The following C12orf42 variants were observed in gnomAD, a reference collection of about 807,000 sequenced individuals.
C12orf42 encodes the protein chromosome 12 open reading frame 42, also known as uncharacterized protein C12orf42.
C12orf42 carries 25 observed loss-of-function variants against 21.6 expected under a neutral mutation model. The ratio of observed to expected loss-of-function variants is 1.16; its 90% CI spans 0.84 to 1.62. The LOEUF (loss-of-function observed/expected upper bound fraction) is 1.62, where lower values mean the gene tolerates loss of function less well. Ranked by LOEUF, C12orf42 falls within the 40% of genes most tolerant of loss-of-function variation. The pLI is 0.00. For missense variants in C12orf42, 483 were observed against 459.3 expected (o/e 1.05, Z -0.47); for synonymous variants, 174 against 175.0 (o/e 0.99, Z 0.05).
chr12:103,397,989 C>T (rs1333500729), intron 3 of C12orf42, among the ~76,000 whole-genome samples: 1 of 152,108 alleles, frequency 6.6e-6, no homozygotes, highest in Non-Finnish European at 1.5e-5. Flanking sequence ...CTGACTTGAT[C>T]ATTATACAGT....
intron 2 of C12orf42, among the ~76,000 whole-genome samples, chr12:103,404,265 C>T (rs112269987): frequency 0.013 from 1,906 of 152,138 alleles, 36 homozygotes; most frequent in African/African-American, 0.044. Flanking sequence ...TTAAGCAAGA[C>T]GAGGAGTCCA....
chr12:103,385,989 A>T (rs10778240), intron 3 of C12orf42, among the ~76,000 whole-genome samples: 86,543 of 152,092 alleles, frequency 0.57, 25,867 homozygotes, highest in Admixed American at 0.69. Flanking sequence ...AACATTGGTC[A>T]AAGGAAATAA....
the C12orf42 span, among the ~76,000 whole-genome samples, chr12:103,535,501 G>A: frequency 1.3e-5 from 2 of 151,922 alleles, no homozygotes; most frequent in African/African-American, 4.8e-5. Context: ...ACAGAGGTTG[G>A]TAGATCATGG....
the C12orf42 span, among the ~76,000 whole-genome samples, chr12:103,074,114 T>A: frequency 2.6e-3 from 390 of 152,206 alleles, 2 homozygotes; most frequent in Middle Eastern, 0.017. Context: ...AAGAAACATG[T>A]TTACGGGGAG....
At chr12:103,097,282 C>G in the C12orf42 span, among the ~76,000 whole-genome samples, 592 of 152,174 alleles carry the variant, frequency 3.9e-3, no homozygotes, top group Non-Finnish European at 6.6e-3. Context: ...TAGTTCATAG[C>G]ACTTCTTGTG....
chr12:103,474,454 A>ATGTGTATG (rs71097981), intron 2 of C12orf42, among the ~76,000 whole-genome samples: 25,227 of 149,272 alleles, frequency 0.17, 2,521 homozygotes, highest in East Asian at 0.32. Context: ...GTATGTATGT[A>ATGTGTATG]TGTGTGTGTG....
At chr12:103,093,835 G>A in the C12orf42 span, among the ~76,000 whole-genome samples, 1,575 of 152,284 alleles carry the variant, frequency 0.01, 9 homozygotes, top group South Asian at 0.019. Context: ...CAGCAGAAGT[G>A]ACTCAAGACT....
intron 4 of C12orf42, among the ~76,000 whole-genome samples, chr12:103,358,039 G>T (rs1014260952): frequency 1.3e-5 from 2 of 152,122 alleles, no homozygotes; most frequent in South Asian, 4.1e-4. Flanking sequence ...TACAGTAGGG[G>T]CTTCACTCAC....
the C12orf42 span, among the ~76,000 whole-genome samples, chr12:103,124,394 C>A: frequency 6.6e-6 from 1 of 151,956 alleles, no homozygotes; most frequent in Admixed American, 6.6e-5. Context: ...CACAATAGGG[C>A]CATCTCTGTA....
At chr12:103,394,715 T>C (rs1470523673) in intron 3 of C12orf42, among the ~76,000 whole-genome samples, 2 of 152,168 alleles carry the variant, frequency 1.3e-5, no homozygotes, top group Non-Finnish European at 2.9e-5. Flanking sequence ...GGGGTGGCTT[T>C]AGTGGGCAGC....
At chr12:103,526,982 T>C in the C12orf42 span, among the ~76,000 whole-genome samples, 1 of 152,194 alleles carries the variant, frequency 6.6e-6, no homozygotes, top group Non-Finnish European at 1.5e-5. Flanking sequence ...CTGTCTGTAT[T>C]TGGCGTTAGT....
At chr12:103,306,402 A>C in intron 4 of C12orf42, 57 bp from the exon 5 acceptor site, 1 of 1,502,732 alleles carries the variant, frequency 6.7e-7, no homozygotes, top group Non-Finnish European at 8.9e-7. Context: ...TGCTAAATTA[A>C]TGGCAGGAAG....
intron 2 of C12orf42, among the ~76,000 whole-genome samples, chr12:103,465,439 A>T (rs1953044985): frequency 6.6e-6 from 1 of 152,180 alleles, no homozygotes; most frequent in African/African-American, 2.4e-5. Flanking sequence ...TGATTTTTGC[A>T]CATTGATTTT....
chr12:103,529,167 C>T, the C12orf42 span, among the ~76,000 whole-genome samples: 336 of 152,322 alleles, frequency 2.2e-3, no homozygotes, highest in African/African-American at 7.6e-3. Context: ...ATCCTATCCA[C>T]GTATCGGCAT....
At chr12:103,448,188 C>T (rs377397657) in intron 2 of C12orf42, among the ~76,000 whole-genome samples, 3 of 151,624 alleles carry the variant, frequency 2.0e-5, no homozygotes, top group Non-Finnish European at 4.4e-5. Context: ...AACATGAAGT[C>T]GGGAAAGGAT....
chr12:103,387,057 T>G (rs1358664357), intron 3 of C12orf42, among the ~76,000 whole-genome samples: 1 of 152,206 alleles, frequency 6.6e-6, no homozygotes, highest in Non-Finnish European at 1.5e-5. Flanking sequence ...TTGTGAACAC[T>G]TCTAGTGCGA....
the C12orf42 span, chr12:103,505,469 G>A: frequency 2.6e-6 from 1 of 381,308 alleles, no homozygotes; most frequent in Non-Finnish European, 4.9e-6. Flanking sequence ...ACGTCTGGGT[G>A]CTCTGAGTCA....
intron 4 of C12orf42, among the ~76,000 whole-genome samples, chr12:103,281,855 G>A (rs2036135425): frequency 6.8e-6 from 1 of 146,236 alleles, no homozygotes. Context: ...AACTCAACTA[G>A]ACTATGGAGA....
chr12:103,160,607 T>C, the C12orf42 span, among the ~76,000 whole-genome samples: 1 of 152,182 alleles, frequency 6.6e-6, no homozygotes, highest in African/African-American at 2.4e-5. Flanking sequence ...GCAGGCTGTC[T>C]ATATTTGCTA....
Sources: gnomAD v4.1 joint callset for allele counts (sites outside exome capture counted in the v4.1 genomes callset) on GRCh38, gnomAD v4.1.1 for gene constraint, MANE v1.5 for transcripts, NCBI Gene and HGNC (gene_info 2026-07-23, HGNC 2026-07-21) for gene names.